TNIK: variants seen among roughly 807,000 people sequenced by gnomAD.
TNIK encodes the protein TRAF2 and NCK-interacting protein kinase.
In TNIK, 49 loss-of-function variants were observed where a neutral mutation model predicts 191.3. The observed-to-expected ratio is 0.26, with a 90% confidence interval of 0.20 to 0.32. The LOEUF is 0.32. Among genes scored for constraint, TNIK ranks in the 10% least tolerant of loss-of-function variants. The pLI, the probability that TNIK is intolerant of heterozygous loss-of-function variation, is 1.00. For synonymous variants in TNIK, 594 were observed against 600.9 expected (o/e 0.99, Z 0.17); for missense variants, 1,155 against 1,702.3 (o/e 0.68, Z 5.66).
rs560372446 is a variant in TNIK, at chr3:171,117,725, C to T, written c.2120+5871G>A. On this transcript the variant is annotated intron_variant, in intron 18 of 32. Transcript: ENST00000436636. ...GTGGCTCACACCTGTAATCCCAGCA[C>T]TTTGGGAGGCCGAGACAGGTGGATC... Among the ~76,000 whole-genome samples the T allele has an allele frequency of 3.9e-5, 6 of 152,242 alleles. No individual in the cohort carries two copies. The South Asian group carries it at 1.2e-3, about 32-fold the overall frequency.
At chr3:171,457,938 G>A (rs1005290600) in intron 1 of TNIK, among the ~76,000 whole-genome samples, 1 of 152,202 alleles carries the variant, frequency 6.6e-6, no homozygotes, top group African/African-American at 2.4e-5. Flanking sequence ...CGCCCAGTGG[G>A]CCCTCACCGG....
intron 2 of TNIK, among the ~76,000 whole-genome samples, chr3:171,311,076 TAAA>T (rs1200915765): frequency 5.3e-5 from 8 of 151,908 alleles, no homozygotes; most frequent in African/African-American, 1.9e-4. Context: ...GAGAATGTAA[TAAA>T]AAGATATATG....
At chr3:171,284,068 G>A (rs1750759362) in intron 2 of TNIK, among the ~76,000 whole-genome samples, 1 of 152,018 alleles carries the variant, frequency 6.6e-6, no homozygotes, top group Admixed American at 6.6e-5. Flanking sequence ...AACTTGCTTG[G>A]GAATGCAAAT....
intron 1 of TNIK, among the ~76,000 whole-genome samples, chr3:171,408,394 C>T (rs532185239): frequency 6.6e-6 from 1 of 152,254 alleles, no homozygotes; most frequent in African/African-American, 2.4e-5. Flanking sequence ...TGAAGGGAAG[C>T]TGCAACAGGA....
At chr3:171,157,696 C>CGTGGGG in intron 11 of TNIK, 32 bp from the exon 12 acceptor site, 1 of 1,550,048 alleles carries the variant, frequency 6.5e-7, no homozygotes. Flanking sequence ...CAGGATCCCA[C>CGTGGGG]GTGGGGCAGG....
intron 18 of TNIK, among the ~76,000 whole-genome samples, chr3:171,112,887 T>C (rs1275730182): frequency 6.6e-6 from 1 of 152,152 alleles, no homozygotes; most frequent in African/African-American, 2.4e-5. Context: ...CACATAACAG[T>C]GAAACAATAA....
At chr3:171,127,183 T>C (rs2108575564) in intron 16 of TNIK, among the ~76,000 whole-genome samples, 1 of 152,358 alleles carries the variant, frequency 6.6e-6, no homozygotes, top group South Asian at 2.1e-4. Flanking sequence ...ATTAGTTTAA[T>C]ATCTGTTTTG....
intron 3 of TNIK, among the ~76,000 whole-genome samples, chr3:171,217,053 T>C (rs551085980): frequency 1.3e-5 from 2 of 152,196 alleles, no homozygotes; most frequent in South Asian, 4.1e-4. Context: ...ACTAGGTATA[T>C]ATCCAAAAGC....
chr3:171,109,177 G>A (rs573006365), intron 19 of TNIK, among the ~76,000 whole-genome samples: 99 of 152,238 alleles, frequency 6.5e-4, no homozygotes, highest in African/African-American at 2.4e-3. Context: ...CTTTCTTTAG[G>A]TGTTTTAGAG....
chr3:171,134,201 A>G (rs1729677788), intron 15 of TNIK, among the ~76,000 whole-genome samples: 1 of 152,216 alleles, frequency 6.6e-6, no homozygotes, highest in Admixed American at 6.5e-5. Context: ...TCATACTGAT[A>G]TTTTCACAGT....
chr3:171,084,233 G>A lies in TNIK; in HGVS notation c.3091C>T (p.Arg1031Trp), dbSNP rs765723729. 6.2e-7 allele frequency: 1 copy of A among 1,613,538 alleles called. No homozygotes were observed. The highest frequency in any genetic ancestry group is 8.5e-7 in the Non-Finnish European group (1 of 1,179,798). Reference protein sequence around the residue: ...SVVNVNPTNIRPHSDTPEIRK... With the variant: ...SVVNVNPTNIWPHSDTPEIRK... ...ATTTCTGGTGTGTCGCTATGAGGCC[G>A]AATGTTGGTTGGGTTTACATTTACC... Residue 1031 changes from arginine to tryptophan, a missense_variant, in exon 26 of 33, where the codon CGG (arginine) becomes TGG (tryptophan). Transcript: ENST00000436636.
intron 2 of TNIK, among the ~76,000 whole-genome samples, chr3:171,284,702 T>G (rs1750832517): frequency 6.6e-6 from 1 of 152,196 alleles, no homozygotes; most frequent in Non-Finnish European, 1.5e-5. Flanking sequence ...CCCTCAAAAT[T>G]GCACATTATT....
intron 2 of TNIK, among the ~76,000 whole-genome samples, chr3:171,319,591 T>A (rs1054042321): frequency 6.6e-6 from 1 of 152,192 alleles, no homozygotes; most frequent in Non-Finnish European, 1.5e-5. Context: ...GGTAACTGGC[T>A]GACCCGACAG....
chr3:171,096,159 G>T (rs1367328599), intron 22 of TNIK, among the ~76,000 whole-genome samples: 1 of 152,144 alleles, frequency 6.6e-6, no homozygotes, highest in Non-Finnish European at 1.5e-5. Flanking sequence ...CTTTGCTATT[G>T]TCAGGGGCTC....
chr3:171,275,100 C>T (rs1276981972), intron 2 of TNIK, among the ~76,000 whole-genome samples: 1 of 152,112 alleles, frequency 6.6e-6, no homozygotes, highest in Non-Finnish European at 1.5e-5. Context: ...CTCCATCAAC[C>T]CAGACACCAC....
chr3:171,146,145 C>T lies in TNIK; in HGVS notation c.1222-5636G>A, dbSNP rs76951059. ...TCAGGCCTCAGAGCAGATTGGTGAC[C>T]GCCCTGGGCAACAGCGCTGGATGCC... On this transcript the variant is annotated intron_variant, in intron 12 of 32. Transcript: ENST00000436636. 6.3e-3 allele frequency among the ~76,000 whole-genome samples: 959 copies of T among 152,286 alleles called. 11 individuals carry two copies. The highest frequency in any genetic ancestry group is 0.024 in the South Asian group (118 of 4,824).
intron 2 of TNIK, among the ~76,000 whole-genome samples, chr3:171,278,633 A>G (rs1409069497): frequency 6.6e-6 from 1 of 152,224 alleles, no homozygotes; most frequent in Non-Finnish European, 1.5e-5. Context: ...TAGGAAAGTA[A>G]GTGATAGTCT....
chr3:171,323,280 TA>T (rs1247922290), intron 2 of TNIK, among the ~76,000 whole-genome samples: 1 of 152,158 alleles, frequency 6.6e-6, no homozygotes, highest in Non-Finnish European at 1.5e-5. Flanking sequence ...ACTCAGTGGG[TA>T]AAGATGACAG....
At chr3:171,242,953 TA>T (rs1393140472) in intron 2 of TNIK, among the ~76,000 whole-genome samples, 6 of 152,260 alleles carry the variant, frequency 3.9e-5, no homozygotes, top group African/African-American at 4.8e-5. Context: ...TCAGAACCCA[TA>T]AAAAAATCTT....
Sources: gnomAD v4.1 joint callset for allele counts (sites outside exome capture counted in the v4.1 genomes callset) on GRCh38, gnomAD v4.1.1 for gene constraint, MANE v1.5 for transcripts, NCBI Gene and HGNC (gene_info 2026-07-23, HGNC 2026-07-21) for gene names.